The following SNAPC3 variants were observed in gnomAD, a reference collection of about 807,000 sequenced individuals.
SNAPC3 encodes snRNA-activating protein complex subunit 3.
A neutral mutation model predicts 47.7 loss-of-function variants in SNAPC3; 56 were observed. That is an observed-to-expected ratio of 1.18 (90% confidence interval 0.95 to 1.47). The LOEUF (loss-of-function observed/expected upper bound fraction) is 1.47, where lower values mean the gene tolerates loss of function less well. SNAPC3 is among the 40% of genes most tolerant of loss of function. The pLI is 0.00. For synonymous variants in SNAPC3, 235 were observed against 189.9 expected, an observed-to-expected ratio of 1.24 and a Z score of -1.95; for missense variants, 665 against 511.3, an observed-to-expected ratio of 1.30 and a Z score of -2.90.
intron 2 of SNAPC3, among the ~76,000 whole-genome samples, chr9:15,426,502 G>C: frequency 6.6e-6 from 1 of 152,142 alleles, no homozygotes; most frequent in East Asian, 1.9e-4. Flanking sequence ...TCCTAGAACT[G>C]TGGTGCATAG....
chr9:15,441,515 T>C (rs1365714078), intron 3 of SNAPC3, among the ~76,000 whole-genome samples: 2 of 151,084 alleles, frequency 1.3e-5, no homozygotes, highest in African/African-American at 2.4e-5. Flanking sequence ...CAAGGGTCTC[T>C]GGTTTTCCTA....
chr9:15,465,390 A>AT (rs2035548146), downstream of SNAPC3: 4 of 766,350 alleles, frequency 5.2e-6, no homozygotes, highest in Non-Finnish European at 6.4e-6. Context: ...AAACAAAGGG[A>AT]TTTTCTCCCT....
At chr9:15,454,473 C>G (rs1217557069) in intron 7 of SNAPC3, among the ~76,000 whole-genome samples, 1 of 152,144 alleles carries the variant, frequency 6.6e-6, no homozygotes, top group East Asian at 1.9e-4. Flanking sequence ...AAAGTGAAAT[C>G]CCAGTGTGAG....
intron 6 of SNAPC3, among the ~76,000 whole-genome samples, chr9:15,451,665 C>T (rs1461406799): frequency 6.6e-6 from 1 of 152,102 alleles, no homozygotes; most frequent in African/African-American, 2.4e-5. Context: ...TGAATACCCA[C>T]TGCTTTCCAG....
chr9:15,442,201 G>A (rs1465560059), intron 3 of SNAPC3, among the ~76,000 whole-genome samples: 1 of 146,978 alleles, frequency 6.8e-6, no homozygotes, highest in African/African-American at 2.5e-5. Flanking sequence ...CCGGGCGGGG[G>A]CTGCCCCCCA....
At position 15,456,327 on chromosome 9, in the gene SNAPC3, A is replaced by G. The variant is rs546560024; in HGVS notation, c.981-1633A>G. ...GCCTGGCCTTTTCCGTACATTTCTT[A>G]TAGTGTAGGCCTATTTCTATAAACA... On this transcript the variant is annotated intron_variant, in intron 7 of 8. Coordinates refer to ENST00000380821, the MANE Select transcript of SNAPC3 (RefSeq NM_001039697.2). 1.2e-4 allele frequency among the ~76,000 whole-genome samples: 19 copies of G among 152,094 alleles called. No individual in the cohort carries two copies. The South Asian group carries it at 3.9e-3, about 32-fold the overall frequency.
At chr9:15,440,350 C>A (rs2033212661) in intron 3 of SNAPC3, among the ~76,000 whole-genome samples, 1 of 152,184 alleles carries the variant, frequency 6.6e-6, no homozygotes, top group South Asian at 2.1e-4. Context: ...TTTAACACTT[C>A]TTACAGGTCA....
chr9:15,440,948 CAAA>C (rs1199527486), intron 3 of SNAPC3, among the ~76,000 whole-genome samples: 3 of 121,652 alleles, frequency 2.5e-5, no homozygotes, highest in African/African-American at 3.2e-5. Context: ...GACTCCGTCT[CAAA>C]AAAAAAAAAA....
chr9:15,444,600 A>G lies in SNAPC3; in HGVS notation c.478-2A>G, dbSNP rs749566027. The stretch of plus-strand genomic sequence containing the variant: ...TTTCAGTGTCTCTTTTTCTTTCTTC[A>G]GGAGTCACATGCCATAGGAAAAAAG... On this transcript the variant is annotated splice_acceptor_variant, in intron 3 of 8. Coordinates refer to ENST00000380821, the MANE Select transcript of SNAPC3 (RefSeq NM_001039697.2). LOFTEE classifies it high-confidence loss of function. 24 of 1,583,090 alleles carry G rather than the reference A, an allele frequency of 1.5e-5. No individual in the cohort carries two copies. Among genetic ancestry groups the G allele is most frequent in the Non-Finnish European group, 1.9e-5 (22 of 1,152,714 alleles).
chr9:15,456,600 T>TGA (rs890572431), intron 7 of SNAPC3, among the ~76,000 whole-genome samples: 1 of 152,078 alleles, frequency 6.6e-6, no homozygotes, highest in Non-Finnish European at 1.5e-5. Flanking sequence ...TTCCCATAGC[T>TGA]GAGATTATAG....
intron 7 of SNAPC3, among the ~76,000 whole-genome samples, chr9:15,454,669 G>A (rs2034638060): frequency 1.3e-5 from 2 of 152,230 alleles, no homozygotes; most frequent in South Asian, 4.1e-4. Context: ...CAGGCCCGGT[G>A]GCTCACGCCT....
chr9:15,423,827 T>C (rs1346950245), intron 1 of SNAPC3, 82 bp from the exon 2 acceptor site: 8 of 714,402 alleles, frequency 1.1e-5, no homozygotes, highest in African/African-American at 1.1e-4. Flanking sequence ...AATTCAGTAA[T>C]GTATTTAGGA....
downstream of SNAPC3, chr9:15,462,417 C>G (rs1200406469): frequency 1.6e-4 from 24 of 152,146 alleles, no homozygotes; most frequent in Admixed American, 1.6e-3. Flanking sequence ...AAAGAAATTC[C>G]TAACTTTGTA....
In SNAPC3 at chr9:15,458,034, G is replaced by A; in HGVS notation, c.1055G>A (p.Arg352Lys). ...ATCAAGAAGCATTGGCTATGGACCA[G>A]AAAATGTTTTGTTTGTAAAATGTAT... is the stretch of plus-strand genomic sequence containing the variant. Reference protein sequence around the residue: ...LLIKKHWLWTRKCFVCKMYTA... With the variant: ...LLIKKHWLWTKKCFVCKMYTA... The change falls in exon 8 of 9, where the codon AGA becomes AAA. Residue 352 changes from arginine to lysine, a missense_variant. Arg to Lys is a conservative substitution (Grantham distance 26). Coordinates refer to ENST00000380821, the MANE Select transcript of SNAPC3 (RefSeq NM_001039697.2). 6.3e-7 allele frequency: 1 copy of A among 1,585,460 alleles called. No individual in the cohort carries two copies. Among genetic ancestry groups the A allele is most frequent in the Non-Finnish European group, 8.6e-7 (1 of 1,169,530 alleles).
At chr9:15,444,580 G>T (rs546572805) in intron 3 of SNAPC3, 22 bp from the exon 4 acceptor site, 20 of 1,420,538 alleles carry the variant, frequency 1.4e-5, no homozygotes, top group African/African-American at 5.6e-5. Flanking sequence ...TCTGATTTCA[G>T]TGTCTCTTTT....
chr9:15,461,059 A>G lies in SNAPC3; in HGVS notation c.*1193A>G, dbSNP rs377006189. Reference sequence around the variant, plus strand: ...AATTATATAAGCAAAAAGAAAAAAAATAAGTTTTCCTGGCCCAGGTCTTCC... The same window carrying G: ...AATTATATAAGCAAAAAGAAAAAAAGTAAGTTTTCCTGGCCCAGGTCTTCC... On this transcript the variant is annotated 3_prime_UTR_variant, in exon 9 of 9. Coordinates refer to ENST00000380821, the MANE Select transcript of SNAPC3 (RefSeq NM_001039697.2). 2 of 152,078 alleles carry G rather than the reference A, an allele frequency of 1.3e-5. No homozygotes were observed. The highest frequency in any genetic ancestry group is 6.5e-5 in the Admixed American group (1 of 15,268). 9.4% of individuals were successfully genotyped at this position (152,078 alleles called of 1,614,324 possible).
At chr9:15,453,426 T>C in intron 7 of SNAPC3, 1 of 426,658 alleles carries the variant, frequency 2.3e-6, no homozygotes, top group South Asian at 5.2e-5. Context: ...CTTTAAGAAA[T>C]ACTTTACTAT....
chr9:15,431,879 CCTGT>C (rs984210415), intron 2 of SNAPC3: 8 of 144,052 alleles, frequency 5.6e-5, no homozygotes, highest in African/African-American at 2.1e-4. Context: ...TGTATTAAAG[CCTGT>C]CTTTTTTTTT....
chr9:15,423,873 T>G, intron 1 of SNAPC3, 36 bp from the exon 2 acceptor site: 1 of 1,258,212 alleles, frequency 7.9e-7, no homozygotes. Flanking sequence ...AGATGCAGAG[T>G]CGACCTTAAA....
Sources: allele counts gnomAD v4.1 joint callset (sites outside exome capture counted in the v4.1 genomes callset), GRCh38; gene constraint gnomAD v4.1.1; transcripts MANE v1.5; gene names NCBI Gene and HGNC (gene_info 2026-07-23, HGNC 2026-07-21).